CNTLN: variants seen among roughly 807,000 people sequenced by gnomAD.
CNTLN encodes centlein, centrosomal protein.
CNTLN carries 212 observed loss-of-function variants against 180.0 expected under a neutral mutation model. The ratio of observed to expected loss-of-function variants is 1.18; its 90% CI spans 1.05 to 1.32. CNTLN has a LOEUF of 1.32. Among genes scored for constraint, CNTLN ranks in the 40% most tolerant of loss-of-function variants. The pLI, the probability that CNTLN is intolerant of heterozygous loss-of-function variation, is 0.00. For missense variants in CNTLN, 2,095 were observed against 1,610.9 expected (o/e 1.30, Z -5.14); for synonymous variants, 722 against 563.1 (o/e 1.28, Z -3.99).
At chr9:17,459,709 G>T (rs1366697452) in intron 19 of CNTLN, among the ~76,000 whole-genome samples, 1 of 151,584 alleles carries the variant, frequency 6.6e-6, no homozygotes, top group Non-Finnish European at 1.5e-5. Context: ...CTCTCTCCTT[G>T]GTTTGTAGAT....
intron 6 of CNTLN, among the ~76,000 whole-genome samples, chr9:17,284,910 C>A (rs1038058124): frequency 6.6e-6 from 1 of 151,868 alleles, no homozygotes; most frequent in African/African-American, 2.4e-5. Context: ...ATAAATTTCC[C>A]TCTTAACACT....
At chr9:17,180,405 G>C (rs1439277465) in intron 2 of CNTLN, among the ~76,000 whole-genome samples, 1 of 148,768 alleles carries the variant, frequency 6.7e-6, no homozygotes, top group African/African-American at 2.5e-5. Flanking sequence ...CAGTGTACTG[G>C]TATCAATATT....
chr9:17,207,621 G>A (rs2131935089), intron 2 of CNTLN, among the ~76,000 whole-genome samples: 1 of 152,144 alleles, frequency 6.6e-6, no homozygotes, highest in Admixed American at 6.5e-5. Context: ...GTACTTCCTG[G>A]GTGAAACGGT....
intron 18 of CNTLN, among the ~76,000 whole-genome samples, chr9:17,426,165 C>G: frequency 6.6e-6 from 1 of 152,158 alleles, no homozygotes; most frequent in African/African-American, 2.4e-5. Flanking sequence ...GGAAAGCTGT[C>G]AAACTTCTTG....
intron 2 of CNTLN, among the ~76,000 whole-genome samples, chr9:17,185,448 A>G (rs1821368820): frequency 6.6e-6 from 1 of 152,226 alleles, no homozygotes; most frequent in Admixed American, 6.5e-5. Context: ...ATAAGTCACT[A>G]TTTGTCACAG....
intron 2 of CNTLN, among the ~76,000 whole-genome samples, chr9:17,170,658 A>G (rs1387121229): frequency 1.3e-5 from 2 of 150,126 alleles, no homozygotes; most frequent in East Asian, 3.9e-4. Flanking sequence ...CTTTTTAATG[A>G]TTTTTATCTG....
chr9:17,205,161 T>C (rs1408403750), intron 2 of CNTLN, among the ~76,000 whole-genome samples: 2 of 151,926 alleles, frequency 1.3e-5, no homozygotes, highest in African/African-American at 4.8e-5. Flanking sequence ...TCTGTGGGAG[T>C]GAGACCACTT....
At chr9:17,374,247 G>A (rs1824567731) in intron 13 of CNTLN, among the ~76,000 whole-genome samples, 1 of 152,038 alleles carries the variant, frequency 6.6e-6, no homozygotes, top group African/African-American at 2.4e-5. Flanking sequence ...GAATATATAA[G>A]CAGCTAAAAA....
chr9:17,212,746 T>A (rs890658494), intron 2 of CNTLN, among the ~76,000 whole-genome samples: 2 of 152,234 alleles, frequency 1.3e-5, no homozygotes, highest in African/African-American at 4.8e-5. Flanking sequence ...GTGTTTGGTC[T>A]ATTCAGGGAT....
At chr9:17,453,767 C>G (rs568502023) in intron 18 of CNTLN, among the ~76,000 whole-genome samples, 3 of 152,302 alleles carry the variant, frequency 2.0e-5, no homozygotes, top group Middle Eastern at 3.4e-3. Flanking sequence ...AAGGATCATT[C>G]TCAACTCATT....
In CNTLN at chr9:17,307,586, T is replaced by A. The variant is rs540358823; in HGVS notation, c.1147-1472T>A. 5.5e-3 allele frequency among the ~76,000 whole-genome samples: 832 copies of A among 152,132 alleles called. 5 individuals carry two copies. The highest frequency in any genetic ancestry group is 0.019 in the African/African-American group (782 of 41,514). ...TCCCAGCCAGAGATACATTTTTTTT[T>A]AAAATAAAAGATAAAAGGTATATTG... On this transcript the variant is annotated intron_variant, in intron 7 of 25. Coordinates refer to ENST00000380647, the MANE Select transcript of CNTLN (RefSeq NM_017738.4).
chr9:17,274,511 T>A (rs10962992), intron 6 of CNTLN, among the ~76,000 whole-genome samples: 4,476 of 138,644 alleles, frequency 0.032, 84 homozygotes, highest in South Asian at 0.089. Flanking sequence ...CTATGTATCT[T>A]TCTATCTATC....
At chr9:17,379,891 C>T (rs1825088587) in intron 13 of CNTLN, among the ~76,000 whole-genome samples, 1 of 152,052 alleles carries the variant, frequency 6.6e-6, no homozygotes, top group East Asian at 1.9e-4. Context: ...TACCTTAAGC[C>T]CCTACCATGC....
intron 5 of CNTLN, among the ~76,000 whole-genome samples, chr9:17,270,638 T>C (rs1030576202): frequency 1.3e-5 from 2 of 152,168 alleles, no homozygotes; most frequent in Middle Eastern, 3.2e-3. Flanking sequence ...TAAAATTCTG[T>C]GTAATGTTTC....
chr9:17,262,313 T>A (rs369581624), intron 5 of CNTLN, among the ~76,000 whole-genome samples: 3 of 151,534 alleles, frequency 2.0e-5, no homozygotes, highest in African/African-American at 7.3e-5. Context: ...TAGCAAAGAC[T>A]TGGAACCAAC....
intron 7 of CNTLN, among the ~76,000 whole-genome samples, chr9:17,305,921 G>A (rs1359450600): frequency 1.3e-5 from 2 of 152,108 alleles, no homozygotes; most frequent in Non-Finnish European, 2.9e-5. Context: ...CCAAAACCTA[G>A]AGCAAAGCTG....
chr9:17,466,675 C>A (rs1831768558), intron 22 of CNTLN, 31 bp from the exon 23 acceptor site: 3 of 1,544,994 alleles, frequency 1.9e-6, no homozygotes, highest in Admixed American at 3.8e-5. Context: ...TATAAAATAT[C>A]TTTTATTTTA....
chr9:17,193,810 T>C (rs1179731728), intron 2 of CNTLN, among the ~76,000 whole-genome samples: 1 of 152,230 alleles, frequency 6.6e-6, no homozygotes, highest in Non-Finnish European at 1.5e-5. Flanking sequence ...TCTGTGTTGC[T>C]CTATCAGAGG....
chr9:17,165,512 T>A (rs750249335), intron 2 of CNTLN, among the ~76,000 whole-genome samples: 16 of 152,184 alleles, frequency 1.1e-4, no homozygotes, highest in Non-Finnish European at 1.5e-4. Context: ...ATAGGTTACA[T>A]CAGTAATCTG....
Sources: gnomAD v4.1 joint callset for allele counts (sites outside exome capture counted in the v4.1 genomes callset) on GRCh38, gnomAD v4.1.1 for gene constraint, MANE v1.5 for transcripts, NCBI Gene and HGNC (gene_info 2026-07-23, HGNC 2026-07-21) for gene names.